Variants in ABTB2 observed in about 807,000 individuals in gnomAD.
ABTB2 encodes the protein ankyrin repeat and BTB/POZ domain-containing protein 2.
Under a neutral mutation model 104.1 loss-of-function variants are expected in ABTB2, and 56 were observed. The ratio of observed to expected loss-of-function variants is 0.54; its 90% CI spans 0.43 to 0.67. The LOEUF (loss-of-function observed/expected upper bound fraction) is 0.67. Ranked by LOEUF, ABTB2 falls within the 30% of genes least tolerant of loss-of-function variation. ABTB2 has a pLI of 0.00. For synonymous variants in ABTB2, 606 were observed against 608.2 expected, an observed-to-expected ratio of 1.00 and a Z score of 0.05; for missense variants, 1,279 against 1,407.7, an observed-to-expected ratio of 0.91 and a Z score of 1.46.
At position 34,168,091 on chromosome 11, in the gene ABTB2, G is replaced by A. The variant is rs1308092390; in HGVS notation, c.1564-99C>T. 4.4e-5 allele frequency: 52 copies of A among 1,195,148 alleles called. No individual in the cohort carries two copies. In the Admixed American group the frequency reaches 7.1e-4, roughly 16 times the overall value. 74.0% of individuals were successfully genotyped at this position (1,195,148 alleles called of 1,614,324 possible). On this transcript the variant is annotated intron_variant, in intron 5 of 16. Transcript: ENST00000435224. ...CCAGAAACCACAGATCGGGCACCCC[G>A]CCACCCCAGCCGAGCATCCTGTGGT...
At chr11:34,187,271 C>T (rs1853112715) in intron 3 of ABTB2, among the ~76,000 whole-genome samples, 1 of 152,186 alleles carries the variant, frequency 6.6e-6, no homozygotes, top group Non-Finnish European at 1.5e-5. Flanking sequence ...TGCACATAGG[C>T]ACTATGGCTA....
chr11:34,345,383 C>G (rs1462336973), intron 1 of ABTB2, among the ~76,000 whole-genome samples: 1 of 152,150 alleles, frequency 6.6e-6, no homozygotes, highest in African/African-American at 2.4e-5. Flanking sequence ...GCACCCTGCC[C>G]TCCTTCAGGC....
intron 4 of ABTB2, among the ~76,000 whole-genome samples, chr11:34,172,499 G>C (rs1232272173): frequency 6.8e-6 from 1 of 146,898 alleles, no homozygotes; most frequent in East Asian, 2.0e-4. Flanking sequence ...GCTCTCATGG[G>C]CCTAGGATGG....
At chr11:34,153,352 AAC>A (rs1331123155) in intron 16 of ABTB2, among the ~76,000 whole-genome samples, 1 of 152,094 alleles carries the variant, frequency 6.6e-6, no homozygotes, top group African/African-American at 2.4e-5. Context: ...GTATGGGAGT[AAC>A]ACAGTCTTTG....
intron 2 of ABTB2, among the ~76,000 whole-genome samples, chr11:34,200,296 A>T (rs1853320855): frequency 6.6e-6 from 1 of 152,190 alleles, no homozygotes; most frequent in African/African-American, 2.4e-5. Flanking sequence ...TTGTTGTTTT[A>T]TTGTTATTGG....
intron 5 of ABTB2, among the ~76,000 whole-genome samples, chr11:34,168,605 G>A (rs1029626962): frequency 1.3e-5 from 2 of 152,230 alleles, no homozygotes; most frequent in Non-Finnish European, 2.9e-5. Flanking sequence ...GCAGAGAAGG[G>A]GAACTGACTG....
chr11:34,167,350 T>A lies in ABTB2; in HGVS notation c.1664A>T (p.Asn555Ile), dbSNP rs767361233. ...GTGGATGGAAGGGTGCCTGGGGGAG[T>A]TGCTTGGAACCTGGAAAATACCACA... ...GANLDIQVPS[N>I]SPRHPSIHPD... The change falls in exon 7 of 17, where the codon AAC (asparagine) becomes ATC (isoleucine). Residue 555 changes from asparagine (N) to isoleucine (I), a missense_variant. Coordinates refer to ENST00000435224, the MANE Select transcript of ABTB2 (RefSeq NM_145804.3). The A allele has an allele frequency of 6.2e-7, 1 of 1,611,522 alleles. No homozygotes were observed. Among genetic ancestry groups the A allele is most frequent in the Non-Finnish European group, 8.5e-7 (1 of 1,179,060 alleles).
At position 34,258,532 on chromosome 11, in the gene ABTB2, C is replaced by T. The variant is rs79452158; in HGVS notation, c.884-53842G>A. 6.5e-3 allele frequency among the ~76,000 whole-genome samples: 981 copies of T among 151,832 alleles called. 13 individuals are homozygous for T. The highest frequency in any genetic ancestry group is 0.022 in the African/African-American group (916 of 41,360). On this transcript the variant is annotated intron_variant, in intron 1 of 16. Transcript: ENST00000435224. ...AAATGGAAACAGCAGTAGGAATTGCCTCTTAGAGTTGTGAGTTAAAATATG... is the reference window on the plus strand; with the variant it reads ...AAATGGAAACAGCAGTAGGAATTGCTTCTTAGAGTTGTGAGTTAAAATATG...
In ABTB2 at chr11:34,164,740, G is replaced by A. The variant is rs1230880471; in HGVS notation, c.1934C>T (p.Ser645Phe). 9.6e-6 allele frequency: 15 copies of A among 1,555,082 alleles called. No homozygotes were observed. Among genetic ancestry groups the A allele is most frequent in the East Asian group, 2.4e-5 (1 of 41,030 alleles). The change falls in exon 9 of 17, where the codon TCC (serine) becomes TTC (phenylalanine). Residue 645 changes from serine (S) to phenylalanine (F), a missense_variant. Coordinates refer to ENST00000435224, the MANE Select transcript of ABTB2 (RefSeq NM_145804.3). ...LSMLEAHGMGSSLHEDMNCFS... is the reference protein window; with the variant it reads ...LSMLEAHGMGFSLHEDMNCFS... The stretch of plus-strand genomic sequence containing the variant: ...GCAGTTCATGTCCTCGTGGAGGGAG[G>A]AGCCCATGCCGTGGGCCTCCAGCAT...
intron 1 of ABTB2, among the ~76,000 whole-genome samples, chr11:34,305,153 T>C (rs373503676): frequency 1.3e-5 from 2 of 152,292 alleles, no homozygotes. Flanking sequence ...ATAAGTACAC[T>C]TGATCTAGAA....
intron 1 of ABTB2, among the ~76,000 whole-genome samples, chr11:34,267,286 G>A (rs1444387689): frequency 1.3e-5 from 2 of 152,088 alleles, no homozygotes; most frequent in Non-Finnish European, 2.9e-5. Context: ...GGGTCACCAC[G>A]GCAGACAGGG....
At chr11:34,320,384 A>G (rs1233506913) in intron 1 of ABTB2, among the ~76,000 whole-genome samples, 1 of 152,208 alleles carries the variant, frequency 6.6e-6, no homozygotes, top group Non-Finnish European at 1.5e-5. Context: ...GCAGGGTCCT[A>G]AAAATGTACT....
intron 3 of ABTB2, among the ~76,000 whole-genome samples, chr11:34,184,169 G>C (rs960403461): frequency 2.0e-5 from 3 of 152,024 alleles, no homozygotes; most frequent in East Asian, 3.9e-4. Flanking sequence ...TCTCACGAAA[G>C]GGGGAGCTGC....
chr11:34,158,207 G>C (rs1366976911), intron 14 of ABTB2, among the ~76,000 whole-genome samples: 1 of 152,326 alleles, frequency 6.6e-6, no homozygotes, highest in East Asian at 1.9e-4. Flanking sequence ...AAGGTTAGAA[G>C]ATCGAGACCA....
chr11:34,291,086 G>T (rs958138451), intron 1 of ABTB2, among the ~76,000 whole-genome samples: 2 of 152,214 alleles, frequency 1.3e-5, no homozygotes, highest in African/African-American at 4.8e-5. Context: ...CTGCACATAT[G>T]GGGGAATGGG....
intron 4 of ABTB2, 104 bp from the exon 5 acceptor site, chr11:34,171,175 T>A: frequency 9.8e-6 from 11 of 1,127,880 alleles, no homozygotes; most frequent in Non-Finnish European, 1.4e-5. Flanking sequence ...AGGATGAGGA[T>A]GGGTGGGAAG....
At chr11:34,218,109 T>A (rs1314821524) in intron 1 of ABTB2, among the ~76,000 whole-genome samples, 2 of 152,258 alleles carry the variant, frequency 1.3e-5, no homozygotes, top group African/African-American at 4.8e-5. Flanking sequence ...TCTGTTAAGA[T>A]CTTTGATCCA....
At chr11:34,242,958 C>T (rs1412737440) in intron 1 of ABTB2, among the ~76,000 whole-genome samples, 1 of 152,094 alleles carries the variant, frequency 6.6e-6, no homozygotes, top group East Asian at 1.9e-4. Flanking sequence ...TGAGGTAAAC[C>T]AAAGCTGGGA....
chr11:34,266,424 G>A (rs1854251075), intron 1 of ABTB2, among the ~76,000 whole-genome samples: 1 of 152,172 alleles, frequency 6.6e-6, no homozygotes, highest in Non-Finnish European at 1.5e-5. Context: ...TCCCTGGCCT[G>A]GGCCTTAGTT....
Sources: gnomAD v4.1 joint callset for allele counts (sites outside exome capture counted in the v4.1 genomes callset) on GRCh38, gnomAD v4.1.1 for gene constraint, MANE v1.5 for transcripts, NCBI Gene and HGNC (gene_info 2026-07-23, HGNC 2026-07-21) for gene names.